SEC62: variants seen among roughly 807,000 people sequenced by gnomAD.
The protein encoded by SEC62 is translocation protein SEC62.
Under a neutral mutation model 47.5 loss-of-function variants are expected in SEC62, and 10 were observed. The ratio of observed to expected loss-of-function variants is 0.21; its 90% confidence interval spans 0.13 to 0.36. The LOEUF (loss-of-function observed/expected upper bound fraction) is 0.36. Ranked by LOEUF, SEC62 falls within the 10% of genes least tolerant of loss-of-function variation. The pLI, the probability that SEC62 is intolerant of heterozygous loss-of-function variation, is 1.00. For missense variants in SEC62, 327 were observed against 464.1 expected (o/e 0.70, Z 2.71); for synonymous variants, 136 against 150.5 (o/e 0.90, Z 0.71).
intron 7 of SEC62, among the ~76,000 whole-genome samples, chr3:169,989,103 A>G: frequency 6.6e-6 from 1 of 150,946 alleles, no homozygotes; most frequent in East Asian, 2.0e-4. Flanking sequence ...TTCATAGATT[A>G]TTTGTTTAGA....
chr3:169,966,927 C>T, intron 1 of SEC62, 69 bp downstream of exon 1: 4 of 823,528 alleles, frequency 4.9e-6, no homozygotes, highest in Non-Finnish European at 6.9e-6. Context: ...GGAAAGCCCC[C>T]TAAAAGGGCG....
intron 5 of SEC62, among the ~76,000 whole-genome samples, chr3:169,984,575 TGA>T: frequency 6.6e-6 from 1 of 152,194 alleles, no homozygotes; most frequent in African/African-American, 2.4e-5. Flanking sequence ...CTTGGTATCC[TGA>T]GAAGCCTAGA....
At chr3:169,969,503 G>A (rs1006266265) in intron 1 of SEC62, 1 of 339,190 alleles carries the variant, frequency 2.9e-6, no homozygotes, top group African/African-American at 2.2e-5. Flanking sequence ...ATCTAGTAGG[G>A]TTTGTTTGGA....
Position 169,992,817 on chromosome 3 carries a change from G to A in SEC62, c.954G>A (p.Lys318=). 6.2e-7 allele frequency: 1 copy of A among 1,614,046 alleles called. No individual in the cohort carries two copies. ...AGGAAAAGTCAGACAGTGAGAAAAAGGAAGATGAGGAGGGGAAAGTAGGAC... is the reference window on the plus strand; with the variant it reads ...AGGAAAAGTCAGACAGTGAGAAAAAAGAAGATGAGGAGGGGAAAGTAGGAC... The part of the protein sequence containing the change: ...DSEEKSDSEK[K]EDEEGKVGPG... The change falls in exon 8 of 8, where the codon AAG becomes AAA. Residue 318 remains lysine (K), a synonymous_variant. Coordinates refer to ENST00000337002, the MANE Select transcript of SEC62 (RefSeq NM_003262.4). The surrounding 1 kb of genome is among the most constrained non-coding windows in gnomAD (Gnocchi z 4.0).
intron 3 of SEC62, among the ~76,000 whole-genome samples, chr3:169,978,871 C>G (rs1358309956): frequency 6.6e-6 from 1 of 152,186 alleles, no homozygotes; most frequent in Non-Finnish European, 1.5e-5. Flanking sequence ...ACACAGCTAG[C>G]AAGTGGCAGA....
At chr3:169,979,165 C>T (rs998683201) in intron 3 of SEC62, among the ~76,000 whole-genome samples, 1 of 152,174 alleles carries the variant, frequency 6.6e-6, no homozygotes, top group South Asian at 2.1e-4. Flanking sequence ...TTGTTTGAGT[C>T]CTTTCTGCAC....
At position 169,992,794 on chromosome 3, in the gene SEC62, GAAAAGTCAGACAGTGAGA is replaced by G. The variant is rs1194721190; in HGVS notation, c.937_954del (p.Ser313_Lys318del). On this transcript the variant is annotated inframe_deletion, in exon 8 of 8. Transcript: ENST00000337002. This position sits in a 1 kb window ranked among gnomAD's most constrained non-coding sequence, Gnocchi z 4.0. ...AAAGCAACAGAAGTCCGACAGTGAG[GAAAAGTCAGACAGTGAGA>G]AAAAGGAAGATGAGGAGGGGAAAGT... The G allele has an allele frequency of 6.2e-7, 1 of 1,614,080 alleles. No homozygotes were observed. The highest frequency in any genetic ancestry group is 2.2e-5 in the East Asian group (1 of 44,876).
chr3:169,975,395 C>G, intron 1 of SEC62: 1 of 387,010 alleles, frequency 2.6e-6, no homozygotes, highest in Non-Finnish European at 4.8e-6. Context: ...AGCAGACAGG[C>G]TTTGCCTCTA....
In SEC62 at chr3:169,988,237, C is replaced by T. The variant is rs1715154496; in HGVS notation, c.611-3C>T. 2 of 1,612,450 alleles carry T rather than the reference C, an allele frequency of 1.2e-6. No homozygotes were observed. Among genetic ancestry groups the T allele is most frequent in the South Asian group, 1.1e-5 (1 of 90,878 alleles). ...ATTTAACTTTTGTCATTTCTTGTTC[C>T]AGTGATTGCAGTAATAGCGGCCACC... is the stretch of plus-strand genomic sequence containing the variant. On this transcript the variant is annotated splice_polypyrimidine_tract_variant and splice_region_variant and intron_variant, in intron 6 of 7. Transcript: ENST00000337002.
chr3:169,977,728 A>C (rs1714872284), intron 3 of SEC62, among the ~76,000 whole-genome samples: 1 of 151,990 alleles, frequency 6.6e-6, no homozygotes, highest in East Asian at 1.9e-4. Context: ...TGGTTTACTT[A>C]ATACTAAGCA....
chr3:169,987,514 C>T (rs1715137961), intron 6 of SEC62, among the ~76,000 whole-genome samples: 1 of 152,116 alleles, frequency 6.6e-6, no homozygotes, highest in Non-Finnish European at 1.5e-5. Context: ...CTCACAACAA[C>T]CTTTGAAGAA....
intron 1 of SEC62, among the ~76,000 whole-genome samples, chr3:169,969,702 T>C (rs2108278736): frequency 6.6e-6 from 1 of 150,988 alleles, no homozygotes; most frequent in Middle Eastern, 3.4e-3. Context: ...AACTGAATAC[T>C]CTTTCTGTCT....
Position 169,982,889 on chromosome 3 carries a change from G to A in SEC62, c.434G>A (p.Gly145Asp). The A allele has an allele frequency of 3.2e-6, 5 of 1,564,314 alleles. No homozygotes were observed. The highest frequency in any genetic ancestry group is 1.2e-5 in the South Asian group (1 of 82,338). ...TKKEKEKKKD[G>D]EKEESKKEET... ...AAAGAAAAAGAGAAAAAAAAAGATG[G>A]TGAAAAGGAAGAATCCAAAAAGGTG... The change falls in exon 4 of 8, where the codon GGT becomes GAT. Residue 145 changes from glycine to aspartate, a missense_variant. Around this residue, in one of 3 missense-constraint regions of SEC62, gnomAD observed 99 missense variants for 194.0 expected, o/e 0.51. Transcript: ENST00000337002.
chr3:169,984,996 G>A (rs1715068368), intron 5 of SEC62: 1 of 152,110 alleles, frequency 6.6e-6, no homozygotes, highest in Non-Finnish European at 1.5e-5. Flanking sequence ...CCATGGAGGA[G>A]TAGGCAATGA....
intron 3 of SEC62, among the ~76,000 whole-genome samples, chr3:169,980,117 A>G (rs1314634867): frequency 6.6e-6 from 1 of 152,250 alleles, no homozygotes; most frequent in African/African-American, 2.4e-5. Flanking sequence ...TCCCTACATC[A>G]AAACATATTC....
In SEC62 at chr3:169,996,279, T is replaced by C. The variant is rs965628322; in HGVS notation, c.*3216T>C. The C allele has an allele frequency of 5.2e-5, 8 of 152,660 alleles. No individual in the cohort carries two copies. Among genetic ancestry groups the C allele is most frequent in the Non-Finnish European group, 1.2e-4 (8 of 68,048 alleles). The allele number at this position is 152,660 out of a possible 1,614,324, so 9.5% of individuals were successfully genotyped here. A position where few individuals can be genotyped will look rare whatever the true frequency, so the allele number is the denominator to read the frequency against. On this transcript the variant is annotated 3_prime_UTR_variant, in exon 8 of 8. Coordinates refer to ENST00000337002, the MANE Select transcript of SEC62 (RefSeq NM_003262.4). ...TATTGCTGAATCATGCTCCAGTATT[T>C]GAGTGATGTTTTAAATATCCTATGT...
chr3:169,986,843 A>G (rs925750464), intron 6 of SEC62, among the ~76,000 whole-genome samples: 1 of 152,042 alleles, frequency 6.6e-6, no homozygotes, highest in Non-Finnish European at 1.5e-5. Flanking sequence ...CTCCCACATC[A>G]GCCTACTGAG....
intron 1 of SEC62, among the ~76,000 whole-genome samples, chr3:169,972,573 T>A (rs1431140997): frequency 7.4e-6 from 1 of 135,794 alleles, no homozygotes; most frequent in East Asian, 2.1e-4. Flanking sequence ...GTAGCACCTT[T>A]TTCTATCTTT....
chr3:169,969,240 A>G lies in SEC62; in HGVS notation c.36+2382A>G, dbSNP rs1282109533. On this transcript the variant is annotated intron_variant, in intron 1 of 7. Transcript: ENST00000337002. ...ATGTTTGATACAAACAAATAAGTTC[A>G]GGGTTAAAAAAAAAAGTAGCTAATT... The G allele has an allele frequency of 1.3e-5, 6 of 453,252 alleles. No homozygotes were observed. In the East Asian group the frequency reaches 4.2e-4, roughly 32 times the overall value. The allele number at this position is 453,252 out of a possible 1,614,324, so 28.1% of individuals were successfully genotyped here. A position where few individuals can be genotyped will look rare whatever the true frequency, so the allele number is the denominator to read the frequency against.
Sources: gnomAD v4.1 joint callset for allele counts (sites outside exome capture counted in the v4.1 genomes callset) on GRCh38, gnomAD v4.1.1 for gene constraint, gnomAD v4.1.1 regional missense constraint, Gnocchi (gnomAD v3.1) non-coding constraint, MANE v1.5 for transcripts, NCBI Gene and HGNC (gene_info 2026-07-23, HGNC 2026-07-21) for gene names.